PDE4B: variants seen among roughly 807,000 people sequenced by gnomAD.
The protein encoded by PDE4B is 3',5'-cyclic-AMP phosphodiesterase 4B.
In PDE4B, 20 loss-of-function variants were observed where a neutral mutation model predicts 82.2. The ratio of observed to expected loss-of-function variants is 0.24; its 90% CI spans 0.17 to 0.35. The LOEUF is 0.35. Ranked by LOEUF, PDE4B falls within the 10% of genes least tolerant of loss-of-function variation. The pLI, the probability that PDE4B is intolerant of heterozygous loss-of-function variation, is 1.00. For missense variants in PDE4B, 655 were observed against 907.2 expected, an observed-to-expected ratio of 0.72 and a Z score of 3.57; for synonymous variants, 320 against 318.9, an observed-to-expected ratio of 1.00 and a Z score of -0.04.
intron 8 of PDE4B, among the ~76,000 whole-genome samples, chr1:66,340,860 A>C (rs895492635): frequency 6.6e-6 from 1 of 152,194 alleles, no homozygotes; most frequent in Non-Finnish European, 1.5e-5. Flanking sequence ...TCAGTAAATA[A>C]AAATAGATTT....
At chr1:66,203,144 A>G (rs1275687585) in intron 3 of PDE4B, among the ~76,000 whole-genome samples, 1 of 151,788 alleles carries the variant, frequency 6.6e-6, no homozygotes, top group Non-Finnish European at 1.5e-5. Context: ...TGGGTTGAAA[A>G]TTCTTTTCTT....
chr1:65,842,220 A>G (rs1181328501), intron 1 of PDE4B, among the ~76,000 whole-genome samples: 3 of 152,216 alleles, frequency 2.0e-5, no homozygotes, highest in Non-Finnish European at 2.9e-5. Flanking sequence ...GACACAAAAA[A>G]ACACTAATAA....
At chr1:66,212,396 A>G (rs1650120282) in intron 3 of PDE4B, among the ~76,000 whole-genome samples, 1 of 151,968 alleles carries the variant, frequency 6.6e-6, no homozygotes, top group Admixed American at 6.6e-5. Context: ...TCTTGCTGTT[A>G]TTCTGTCTGA....
chr1:65,931,057 G>C (rs1207813453), intron 3 of PDE4B, among the ~76,000 whole-genome samples: 1 of 152,174 alleles, frequency 6.6e-6, no homozygotes, highest in Non-Finnish European at 1.5e-5. Flanking sequence ...CATCCCCTCA[G>C]TGCTGTCCTC....
At chr1:65,971,863 T>G (rs1379702364) in intron 3 of PDE4B, among the ~76,000 whole-genome samples, 1 of 152,210 alleles carries the variant, frequency 6.6e-6, no homozygotes, top group Non-Finnish European at 1.5e-5. Context: ...ATATATCATT[T>G]GAAAGATTTT....
chr1:65,917,816 T>A (rs1008938640), intron 2 of PDE4B, among the ~76,000 whole-genome samples: 1 of 152,190 alleles, frequency 6.6e-6, no homozygotes, highest in East Asian at 1.9e-4. Flanking sequence ...AACATAACAG[T>A]CACCTCTAAT....
At chr1:65,862,621 A>C (rs1049706416) in intron 1 of PDE4B, among the ~76,000 whole-genome samples, 12 of 152,320 alleles carry the variant, frequency 7.9e-5, no homozygotes, top group African/African-American at 2.6e-4. Flanking sequence ...TTCAGAAGGA[A>C]TGGTACTAGC....
Position 66,166,293 on chromosome 1 carries a change from A to G in PDE4B, c.282-81167A>G, listed in dbSNP as rs747503758. Among the ~76,000 whole-genome samples the G allele has an allele frequency of 6.5e-4, 99 of 152,262 alleles. 1 individual carries two copies. The highest frequency in any genetic ancestry group is 8.5e-4 in the Non-Finnish European group (58 of 68,046). ...AGAGCTAAAAGCATAACAATCTAAT[A>G]AGAAAACACAGGAGTAAATATTCAT... On this transcript the variant is annotated intron_variant, in intron 3 of 16. Transcript: ENST00000341517.
intron 3 of PDE4B, chr1:66,046,136 G>T (rs909232790): frequency 2.0e-5 from 3 of 151,848 alleles, no homozygotes; most frequent in Admixed American, 6.6e-5. Context: ...TGAAGCTTTA[G>T]ATTGGGTCCA....
chr1:66,249,501 A>C (rs545211396), intron 4 of PDE4B, among the ~76,000 whole-genome samples: 1 of 152,328 alleles, frequency 6.6e-6, no homozygotes, highest in Admixed American at 6.5e-5. Context: ...TTTGGAATCA[A>C]AAGGTTGTAG....
intron 4 of PDE4B, among the ~76,000 whole-genome samples, chr1:66,254,077 A>G (rs1381450659): frequency 1.3e-5 from 2 of 152,214 alleles, no homozygotes; most frequent in African/African-American, 4.8e-5. Context: ...ATTAGCTTTT[A>G]TTAGATACTA....
chr1:65,985,352 T>A (rs1446817648), intron 3 of PDE4B, among the ~76,000 whole-genome samples: 1 of 152,190 alleles, frequency 6.6e-6, no homozygotes, highest in South Asian at 2.1e-4. Context: ...CTCTGTAGTA[T>A]CACAGTTAAC....
At chr1:65,869,737 T>C (rs1219299820) in intron 1 of PDE4B, among the ~76,000 whole-genome samples, 2 of 152,114 alleles carry the variant, frequency 1.3e-5, no homozygotes, top group African/African-American at 4.8e-5. Flanking sequence ...TCTATTTGCT[T>C]TAATTTTTAC....
At chr1:65,825,171 T>A (rs192921336) in intron 1 of PDE4B, among the ~76,000 whole-genome samples, 1 of 152,320 alleles carries the variant, frequency 6.6e-6, no homozygotes, top group Admixed American at 6.5e-5. Flanking sequence ...AAAGATAATT[T>A]GCTTCCCAAG....
chr1:65,910,602 A>C (rs1418252401), intron 1 of PDE4B, among the ~76,000 whole-genome samples: 2 of 152,160 alleles, frequency 1.3e-5, no homozygotes, highest in Non-Finnish European at 2.9e-5. Context: ...TTGAGGATAA[A>C]CAAAAAGGGC....
chr1:66,236,825 TG>T (rs1030487247), intron 3 of PDE4B, among the ~76,000 whole-genome samples: 12 of 152,194 alleles, frequency 7.9e-5, no homozygotes, highest in African/African-American at 2.7e-4. Flanking sequence ...ACGTGTGAGT[TG>T]ATTGATTCAT....
intron 1 of PDE4B, among the ~76,000 whole-genome samples, chr1:65,885,064 A>G (rs1411099124): frequency 6.6e-6 from 1 of 152,234 alleles, no homozygotes; most frequent in Non-Finnish European, 1.5e-5. Flanking sequence ...ATGAACAGAC[A>G]CTTCTCAAAA....
At chr1:65,893,387 A>G (rs1474312756) in intron 1 of PDE4B, among the ~76,000 whole-genome samples, 2 of 152,102 alleles carry the variant, frequency 1.3e-5, no homozygotes, top group Non-Finnish European at 1.5e-5. Flanking sequence ...GCTCAACATC[A>G]CTAATCATCA....
At chr1:66,368,733 T>G in intron 15 of PDE4B, 54 bp from the exon 16 acceptor site, 1 of 1,369,092 alleles carries the variant, frequency 7.3e-7, no homozygotes, top group Non-Finnish European at 9.8e-7. Context: ...CATGAGATGT[T>G]CCGGCAGTAT....
Sources: allele counts gnomAD v4.1 joint callset (sites outside exome capture counted in the v4.1 genomes callset), GRCh38; gene constraint gnomAD v4.1.1; transcripts MANE v1.5; gene names NCBI Gene and HGNC (gene_info 2026-07-23, HGNC 2026-07-21).